ASH1L: variants seen among roughly 807,000 people sequenced by gnomAD.
ASH1L encodes ASH1 like histone lysine methyltransferase.
Under a neutral mutation model 269.0 loss-of-function variants are expected in ASH1L, and 23 were observed. The ratio of observed to expected loss-of-function variants is 0.09; its 90% CI spans 0.06 to 0.12. ASH1L has a LOEUF of 0.12. ASH1L is among the 10% of genes least tolerant of loss of function. The pLI, the probability that ASH1L is intolerant of heterozygous loss-of-function variation, is 1.00. For synonymous variants in ASH1L, 1,187 were observed against 1,253.5 expected (o/e 0.95, Z 1.12); for missense variants, 2,912 against 3,567.8 (o/e 0.82, Z 4.68).
chr1:155,446,295 A>G (rs1247765610), intron 4 of ASH1L, among the ~76,000 whole-genome samples: 2 of 150,336 alleles, frequency 1.3e-5, no homozygotes, highest in Non-Finnish European at 3.0e-5. Flanking sequence ...CAATTAATTA[A>G]TTAAATTTTT....
At chr1:155,560,654 T>C (rs538302316) in intron 1 of ASH1L, among the ~76,000 whole-genome samples, 1 of 152,272 alleles carries the variant, frequency 6.6e-6, no homozygotes, top group Admixed American at 6.5e-5. Flanking sequence ...GACCATTTAT[T>C]GAACAGGCAG....
chr1:155,362,709 C>T (rs1655073092), intron 12 of ASH1L, among the ~76,000 whole-genome samples: 1 of 152,016 alleles, frequency 6.6e-6, no homozygotes. Context: ...AGAAAAAACC[C>T]CAATCCTGTA....
intron 1 of ASH1L, among the ~76,000 whole-genome samples, chr1:155,535,751 T>C (rs939240397): frequency 2.6e-5 from 4 of 152,210 alleles, no homozygotes; most frequent in African/African-American, 9.6e-5. Context: ...TCCCAGCACT[T>C]GGGAGGTTGA....
intron 3 of ASH1L, among the ~76,000 whole-genome samples, chr1:155,477,177 A>G (rs1344859818): frequency 6.6e-6 from 1 of 152,102 alleles, no homozygotes; most frequent in Admixed American, 6.5e-5. Flanking sequence ...GCAAATGCTT[A>G]CTCTTTGTTT....
rs181627318 is a variant in ASH1L, at chr1:155,444,778, G to A, written c.5087-5710C>T. Among the ~76,000 whole-genome samples, 38 of 149,722 alleles carry A rather than the reference G, an allele frequency of 2.5e-4. No homozygotes were observed. The East Asian group carries it at 6.6e-3, about 26-fold the overall frequency. ...ATTACAGGTGCCTGCCACTACGCCC[G>A]GCTAATTTTTTTGTATTTTTAGTAG... On this transcript the variant is annotated intron_variant, in intron 4 of 27. Transcript: ENST00000392403.
At chr1:155,422,669 G>C (rs971846993) in intron 5 of ASH1L, among the ~76,000 whole-genome samples, 1 of 146,412 alleles carries the variant, frequency 6.8e-6, no homozygotes, top group South Asian at 2.1e-4. Context: ...TTTTTTTTGA[G>C]ACTGAGTTTT....
chr1:155,348,963 T>C (rs904936687), intron 19 of ASH1L, among the ~76,000 whole-genome samples: 2 of 151,106 alleles, frequency 1.3e-5, no homozygotes, highest in Non-Finnish European at 2.9e-5. Context: ...CATTTACCTA[T>C]GCATATTTCT....
At chr1:155,530,153 A>C (rs1235219810) in intron 1 of ASH1L, among the ~76,000 whole-genome samples, 1 of 152,030 alleles carries the variant, frequency 6.6e-6, no homozygotes, top group Non-Finnish European at 1.5e-5. Flanking sequence ...TTACAGAAGA[A>C]GCATTTCCTA....
chr1:155,471,022 C>T (rs1380892573), intron 3 of ASH1L, among the ~76,000 whole-genome samples: 1 of 152,146 alleles, frequency 6.6e-6, no homozygotes, highest in African/African-American at 2.4e-5. Flanking sequence ...TAGTATTCTG[C>T]TTAACTAAAA....
chr1:155,403,241 G>A (rs924343835), intron 6 of ASH1L, among the ~76,000 whole-genome samples: 1 of 151,774 alleles, frequency 6.6e-6, no homozygotes, highest in African/African-American at 2.4e-5. Flanking sequence ...GCCTTTTGGA[G>A]GTTGCAGCTG....
chr1:155,366,228 C>T (rs536540423), intron 12 of ASH1L, among the ~76,000 whole-genome samples: 2 of 152,296 alleles, frequency 1.3e-5, no homozygotes, highest in Admixed American at 1.3e-4. Context: ...GTCCTCACTA[C>T]TACACTCCCA....
In ASH1L at chr1:155,343,716, T is replaced by C; in HGVS notation, c.8008A>G (p.Ser2670Gly). 6.2e-7 allele frequency: 1 copy of C among 1,614,198 alleles called. No individual in the cohort carries two copies. Among genetic ancestry groups the C allele is most frequent in the Non-Finnish European group, 8.5e-7 (1 of 1,180,028 alleles). ...GGGTGGCCATCAGGGGTGCGCCGACTATCCCTCATCAGATACACACAGTCA... is the reference window on the plus strand; with the variant it reads ...GGGTGGCCATCAGGGGTGCGCCGACCATCCCTCATCAGATACACACAGTCA... Reference protein sequence around the residue: ...QGDCVYLMRDSRRTPDGHPVR... With the variant: ...QGDCVYLMRDGRRTPDGHPVR... The change falls in exon 23 of 28, where the codon AGT becomes GGT. Residue 2670 changes from serine (S) to glycine (G), a missense_variant. Around this residue, in one of 13 missense-constraint regions of ASH1L, gnomAD observed 179 missense variants for 293.8 expected, o/e 0.61. Transcript: ENST00000392403. This position sits in a 1 kb window ranked among gnomAD's most constrained non-coding sequence, Gnocchi z 6.1.
upstream of ASH1L, chr1:155,562,909 C>T (rs535529077): frequency 2.2e-6 from 1 of 453,936 alleles, no homozygotes; most frequent in Admixed American, 2.4e-5. Flanking sequence ...CCCCCCCTAC[C>T]ACCCTCCACC....
intron 10 of ASH1L, among the ~76,000 whole-genome samples, chr1:155,377,998 G>A (rs1656608898): frequency 6.6e-6 from 1 of 151,648 alleles, no homozygotes; most frequent in African/African-American, 2.4e-5. Flanking sequence ...ACTCCAGCCT[G>A]GGCGACAGAG....
rs1372866836 is a variant in ASH1L, at chr1:155,517,861, C to T, written c.420+3239G>A. Among the ~76,000 whole-genome samples the T allele has an allele frequency of 3.3e-4, 38 of 114,964 alleles. No homozygotes were observed. In the Middle Eastern group the frequency reaches 0.025, roughly 74 times the overall value. The allele number at this position is 114,964 out of a possible 152,430, so 75.4% of individuals were successfully genotyped here. ...TGTCGCCCAGGCTGGAGTGCAGTGG[C>T]GGGATCTCGGCTCACTGCAAGCTCC... On this transcript the variant is annotated intron_variant, in intron 2 of 27. Transcript: ENST00000392403.
chr1:155,354,069 C>T (rs2148358373), intron 16 of ASH1L, among the ~76,000 whole-genome samples: 1 of 152,284 alleles, frequency 6.6e-6, no homozygotes, highest in South Asian at 2.1e-4. Flanking sequence ...TGGATCATAA[C>T]TTTTTTGGTC....
intron 15 of ASH1L, among the ~76,000 whole-genome samples, 182 bp from the exon 16 acceptor site, chr1:155,354,812 T>A (rs972592374): frequency 3.3e-5 from 5 of 152,160 alleles, no homozygotes; most frequent in Admixed American, 1.3e-4. Flanking sequence ...ATAAAACACA[T>A]AATATTTACA....
intron 15 of ASH1L, among the ~76,000 whole-genome samples, chr1:155,355,843 A>G (rs1317526992): frequency 6.6e-6 from 1 of 152,034 alleles, no homozygotes; most frequent in East Asian, 1.9e-4. Context: ...ATCTGAATAC[A>G]GGGAACAGCA....
In ASH1L at chr1:155,338,109, T is replaced by C; in HGVS notation, c.8783A>G (p.Glu2928Gly). The change falls in exon 27 of 28, where the codon GAA (glutamate) becomes GGA (glycine). Residue 2928 changes from glutamate (E) to glycine (G), a missense_variant. By Grantham distance (98) the Glu-to-Gly change is moderately conservative. Transcript: ENST00000392403. ...CTTACCATTTTTTCCAGGGATTTTT[T>C]CAAGGAGATTGAGCAAGATCTGGTT... is the stretch of plus-strand genomic sequence containing the variant. ...RLNQILLNLL[E>G]KIPGKNAIDV... 1 of 1,613,064 alleles carries C rather than the reference T, an allele frequency of 6.2e-7. No homozygotes were observed. The highest frequency in any genetic ancestry group is 8.5e-7 in the Non-Finnish European group (1 of 1,179,254).
Sources: allele counts gnomAD v4.1 joint callset (sites outside exome capture counted in the v4.1 genomes callset), GRCh38; gene constraint gnomAD v4.1.1; regional missense constraint gnomAD v4.1.1; non-coding constraint Gnocchi (gnomAD v3.1); transcripts MANE v1.5; gene names NCBI Gene and HGNC (gene_info 2026-07-23, HGNC 2026-07-21).